The following ATP8A1 variants were observed in gnomAD, a reference collection of about 807,000 sequenced individuals.
ATP8A1 encodes the protein ATPase phospholipid transporting 8A1.
ATP8A1 carries 90 observed loss-of-function variants against 177.7 expected under a neutral mutation model. The ratio of observed to expected loss-of-function variants is 0.51; its 90% confidence interval spans 0.43 to 0.60. ATP8A1 has a LOEUF of 0.60. Ranked by LOEUF, ATP8A1 falls within the 20% of genes least tolerant of loss-of-function variation. The probability of loss-of-function intolerance (pLI) is 0.00; values close to 1 mark genes in which losing one functional copy is unlikely to be tolerated. For missense variants in ATP8A1, 1,072 were observed against 1,392.8 expected (o/e 0.77, Z 3.67); for synonymous variants, 493 against 485.9 (o/e 1.01, Z -0.19).
At chr4:42,638,838 CACT>C (rs1300798450) in intron 1 of ATP8A1, among the ~76,000 whole-genome samples, 1 of 152,064 alleles carries the variant, frequency 6.6e-6, no homozygotes, top group Non-Finnish European at 1.5e-5. Flanking sequence ...CTTAAAGCAC[CACT>C]GACTTGCAGT....
chr4:42,421,114 A>G (rs1560304835), intron 35 of ATP8A1, among the ~76,000 whole-genome samples: 1 of 152,166 alleles, frequency 6.6e-6, no homozygotes, highest in Non-Finnish European at 1.5e-5. Context: ...GAGAACTGAC[A>G]TAATTAATTT....
chr4:42,656,789 AC>A (rs1414740420), intron 1 of ATP8A1, 35 bp downstream of exon 1: 2 of 1,519,746 alleles, frequency 1.3e-6, no homozygotes, highest in East Asian at 2.6e-5. Flanking sequence ...TCGCTTCCCG[AC>A]CCCGGGCTAG....
chr4:42,642,198 C>T (rs1335962747), intron 1 of ATP8A1, among the ~76,000 whole-genome samples: 1 of 152,194 alleles, frequency 6.6e-6, no homozygotes, highest in African/African-American at 2.4e-5. Flanking sequence ...GTTGATAACA[C>T]AATGCCACAA....
intron 9 of ATP8A1, 119 bp downstream of exon 9, chr4:42,586,230 G>C (rs999324191): frequency 8.8e-7 from 1 of 1,142,084 alleles, no homozygotes; most frequent in African/African-American, 1.6e-5. Flanking sequence ...GCTTTAAAAA[G>C]GGTTTTGAGG....
chr4:42,560,032 A>C (rs1033256556), intron 15 of ATP8A1, among the ~76,000 whole-genome samples: 1 of 152,166 alleles, frequency 6.6e-6, no homozygotes, highest in Non-Finnish European at 1.5e-5. Flanking sequence ...AATAGCAAAG[A>C]GTTAGGAAAC....
chr4:42,417,456 T>C (rs1241493472), intron 35 of ATP8A1, among the ~76,000 whole-genome samples: 2 of 152,200 alleles, frequency 1.3e-5, no homozygotes, highest in Admixed American at 6.5e-5. Context: ...TATGTAAATT[T>C]TGAGTTTGTT....
chr4:42,629,027 G>T (rs1165055374), intron 1 of ATP8A1, among the ~76,000 whole-genome samples: 1 of 152,184 alleles, frequency 6.6e-6, no homozygotes, highest in Non-Finnish European at 1.5e-5. Flanking sequence ...ACGCTGCTGG[G>T]AGAGCACTGG....
At chr4:42,418,520 AG>A (rs1407628359) in intron 35 of ATP8A1, among the ~76,000 whole-genome samples, 1 of 152,142 alleles carries the variant, frequency 6.6e-6, no homozygotes, top group East Asian at 1.9e-4. Flanking sequence ...CTTTTTTTAA[AG>A]TACAATTTCC....
chr4:42,526,911 G>A (rs1726727709), intron 20 of ATP8A1, among the ~76,000 whole-genome samples: 1 of 152,010 alleles, frequency 6.6e-6, no homozygotes, highest in Admixed American at 6.6e-5. Context: ...GGAGAACACT[G>A]ATAGTCCTTG....
intron 1 of ATP8A1, among the ~76,000 whole-genome samples, chr4:42,630,296 AG>A (rs893846904): frequency 6.6e-6 from 1 of 152,324 alleles, no homozygotes; most frequent in African/African-American, 2.4e-5. Context: ...CCTCGTTTTA[AG>A]GAAGGAACCC....
chr4:42,524,602 AAC>A (rs1192018569), intron 21 of ATP8A1, among the ~76,000 whole-genome samples, 159 bp downstream of exon 21: 2 of 152,206 alleles, frequency 1.3e-5, no homozygotes, highest in African/African-American at 4.8e-5. Context: ...GTAAAATAAA[AAC>A]ACAGGCTGGG....
At chr4:42,608,657 C>G (rs1736070380) in intron 5 of ATP8A1, among the ~76,000 whole-genome samples, 1 of 152,136 alleles carries the variant, frequency 6.6e-6, no homozygotes, top group Admixed American at 6.5e-5. Flanking sequence ...CGCACCCAGC[C>G]TATCATTTCT....
At chr4:42,621,998 T>G (rs10008052) in intron 4 of ATP8A1, among the ~76,000 whole-genome samples, 34,327 of 152,124 alleles carry the variant, frequency 0.23, 4,347 homozygotes, top group Non-Finnish European at 0.29. Context: ...CCCTATTCGA[T>G]AAATAATGCT....
At chr4:42,539,466 A>G (rs2153204909) in intron 20 of ATP8A1, among the ~76,000 whole-genome samples, 1 of 150,186 alleles carries the variant, frequency 6.7e-6, no homozygotes, top group East Asian at 2.0e-4. Context: ...TAAAATTCAT[A>G]TGGAATCAAA....
intron 22 of ATP8A1, among the ~76,000 whole-genome samples, chr4:42,514,003 T>C (rs920246149): frequency 4.6e-5 from 7 of 152,178 alleles, no homozygotes; most frequent in African/African-American, 1.7e-4. Context: ...CTGGGTATCA[T>C]CCTTGTTTTA....
Position 42,412,388 on chromosome 4 carries a change from C to A in ATP8A1, c.*528G>T, listed in dbSNP as rs932223318. The A allele has an allele frequency of 6.6e-6, 1 of 152,194 alleles. No homozygotes were observed. Among genetic ancestry groups the A allele is most frequent in the Non-Finnish European group, 1.5e-5 (1 of 68,044 alleles). The allele number at this position is 152,194 out of a possible 1,614,324, so 9.4% of individuals were successfully genotyped here. On this transcript the variant is annotated 3_prime_UTR_variant, in exon 37 of 37. Coordinates refer to ENST00000381668, the MANE Select transcript of ATP8A1 (RefSeq NM_006095.2). ...AAAAACACTTACTGAACCTCTTTGG[C>A]AAACATTTATCAAGACAATTTTGGA...
At chr4:42,603,254 G>A (rs1401123105) in intron 5 of ATP8A1, among the ~76,000 whole-genome samples, 1 of 152,028 alleles carries the variant, frequency 6.6e-6, no homozygotes, top group African/African-American at 2.4e-5. Context: ...AATTTTTCTT[G>A]GATATGTTTT....
chr4:42,476,497 T>C (rs1253166960), intron 25 of ATP8A1, among the ~76,000 whole-genome samples: 1 of 151,844 alleles, frequency 6.6e-6, no homozygotes, highest in African/African-American at 2.4e-5. Context: ...TGGATGCCTG[T>C]AGTCCCAGCT....
chr4:42,468,430 T>TAC (rs139371340), intron 25 of ATP8A1, among the ~76,000 whole-genome samples: 9,449 of 150,408 alleles, frequency 0.063, 370 homozygotes, highest in African/African-American at 0.1. Flanking sequence ...ATATATTTTA[T>TAC]ACACACACAC....
Sources: allele counts gnomAD v4.1 joint callset (sites outside exome capture counted in the v4.1 genomes callset), GRCh38; gene constraint gnomAD v4.1.1; transcripts MANE v1.5; gene names NCBI Gene and HGNC (gene_info 2026-07-23, HGNC 2026-07-21).